Variants in AFF3 observed in about 807,000 individuals in gnomAD.
AFF3 encodes ALF transcription elongation factor 3.
AFF3 carries 32 observed loss-of-function variants against 129.7 expected under a neutral mutation model. The observed-to-expected ratio is 0.25, with a 90% CI of 0.19 to 0.33. AFF3 has a LOEUF of 0.33. Ranked by LOEUF, AFF3 falls within the 10% of genes least tolerant of loss-of-function variation. The pLI is 1.00. For missense variants in AFF3, 1,373 were observed against 1,592.0 expected (o/e 0.86, Z 2.34); for synonymous variants, 644 against 635.4 (o/e 1.01, Z -0.20).
At chr2:99,831,586 C>A (rs184996581) in intron 8 of AFF3, among the ~76,000 whole-genome samples, 142 of 131,374 alleles carry the variant, frequency 1.1e-3, no homozygotes, top group African/African-American at 3.6e-3. Context: ...CAACTCTGTA[C>A]AATTAAAAAA....
At chr2:99,567,059 C>T (rs1676040982) in intron 19 of AFF3, among the ~76,000 whole-genome samples, 1 of 151,528 alleles carries the variant, frequency 6.6e-6, no homozygotes, top group African/African-American at 2.4e-5. Flanking sequence ...TCTCTGCCTC[C>T]CGGGTTCAAG....
At chr2:99,775,207 C>A (rs1216177835) in intron 8 of AFF3, among the ~76,000 whole-genome samples, 4 of 152,170 alleles carry the variant, frequency 2.6e-5, no homozygotes, top group African/African-American at 9.7e-5. Context: ...AGCAGAAACA[C>A]CATTTGACCC....
In AFF3 at chr2:99,814,696, AAAG is replaced by A. The variant is rs756748143; in HGVS notation, c.921+22778_921+22780del. On this transcript the variant is annotated intron_variant, in intron 8 of 24. Coordinates refer to ENST00000672756, the MANE Select transcript of AFF3 (RefSeq NM_001386135.1). Reference sequence around the variant, plus strand: ...GAGCCAGGGCCCCAGCTAAAAAATAAAAGAAGGAGAAATACAAGGCAGTGGAAG... The same window carrying A: ...GAGCCAGGGCCCCAGCTAAAAAATAAAAGGAGAAATACAAGGCAGTGGAAG... Among the ~76,000 whole-genome samples, 159 of 152,284 alleles carry A rather than the reference AAAG, an allele frequency of 1.0e-3. 1 individual carries two copies. Among genetic ancestry groups the A allele is most frequent in the Middle Eastern group, 3.4e-3 (1 of 294 alleles).
chr2:99,593,105 A>T (rs1464076833), intron 15 of AFF3, 90 bp downstream of exon 15: 3 of 1,447,226 alleles, frequency 2.1e-6, no homozygotes, highest in South Asian at 1.4e-5. Flanking sequence ...CCCAAACAGC[A>T]GCCTATGGGT....
At chr2:100,023,031 T>G (rs1036292368) in intron 4 of AFF3, among the ~76,000 whole-genome samples, 4 of 152,240 alleles carry the variant, frequency 2.6e-5, no homozygotes, top group Admixed American at 2.6e-4. Flanking sequence ...GGCCTCCATC[T>G]GGGTTTCCCA....
intron 4 of AFF3, among the ~76,000 whole-genome samples, chr2:100,098,867 C>T (rs1177473348): frequency 8.9e-6 from 1 of 112,986 alleles, no homozygotes; most frequent in South Asian, 2.8e-4. Flanking sequence ...TCCTCCACAG[C>T]GGATGCAACA....
chr2:99,883,283 G>T (rs1692860865), intron 7 of AFF3, among the ~76,000 whole-genome samples: 1 of 152,042 alleles, frequency 6.6e-6, no homozygotes, highest in Admixed American at 6.6e-5. Context: ...AAGTATAAAA[G>T]AAATAAGCTA....
chr2:99,573,096 G>A (rs920901163), intron 18 of AFF3, among the ~76,000 whole-genome samples: 3 of 152,118 alleles, frequency 2.0e-5, no homozygotes, highest in African/African-American at 7.2e-5. Flanking sequence ...TGTTGAAATG[G>A]GAAATTATCA....
intron 11 of AFF3, among the ~76,000 whole-genome samples, chr2:99,715,345 G>A (rs1307504172): frequency 1.3e-5 from 2 of 152,190 alleles, no homozygotes; most frequent in African/African-American, 4.8e-5. Flanking sequence ...AGTATCAACT[G>A]CAGACACGAG....
intron 8 of AFF3, among the ~76,000 whole-genome samples, chr2:99,754,697 C>T (rs1332339423): frequency 6.6e-6 from 1 of 152,166 alleles, no homozygotes; most frequent in Non-Finnish European, 1.5e-5. Context: ...TTTAATACAC[C>T]GTTTATCCAA....
chr2:99,563,810 C>CAAAAAAAAAA (rs34843347), intron 20 of AFF3, among the ~76,000 whole-genome samples: 2 of 76,068 alleles, frequency 2.6e-5, no homozygotes, highest in African/African-American at 5.3e-5. Context: ...AATTTAGTCT[C>CAAAAAAAAAA]AAAAAAAAAA....
At chr2:99,868,701 T>C (rs1322070070) in intron 7 of AFF3, among the ~76,000 whole-genome samples, 1 of 152,210 alleles carries the variant, frequency 6.6e-6, no homozygotes, top group Non-Finnish European at 1.5e-5. Context: ...AGGATAAGGT[T>C]ACTATTCTCT....
intron 7 of AFF3, among the ~76,000 whole-genome samples, chr2:99,848,529 C>G (rs1301924953): frequency 6.6e-6 from 1 of 152,016 alleles, no homozygotes; most frequent in Non-Finnish European, 1.5e-5. Context: ...AATTTCTGCA[C>G]CAAGAATTTA....
At chr2:99,930,327 T>C (rs1259755152) in intron 7 of AFF3, among the ~76,000 whole-genome samples, 1 of 152,138 alleles carries the variant, frequency 6.6e-6, no homozygotes, top group Non-Finnish European at 1.5e-5. Context: ...GCCTGCCTCA[T>C]GGGATCCTGC....
intron 4 of AFF3, among the ~76,000 whole-genome samples, chr2:100,041,707 T>G (rs1420355673): frequency 6.6e-6 from 1 of 152,202 alleles, no homozygotes. Flanking sequence ...TAGATAAAAC[T>G]GCATGTATCT....
intron 7 of AFF3, among the ~76,000 whole-genome samples, chr2:99,897,405 AAT>A (rs1190410415): frequency 6.6e-6 from 1 of 152,192 alleles, no homozygotes; most frequent in African/African-American, 2.4e-5. Flanking sequence ...GTAGGAGTGA[AAT>A]AGAGTCACAC....
intron 17 of AFF3, among the ~76,000 whole-genome samples, chr2:99,579,780 G>C (rs544260913): frequency 6.6e-6 from 1 of 152,242 alleles, no homozygotes; most frequent in Admixed American, 6.5e-5. Flanking sequence ...CTAGTCTGTG[G>C]AAAAGTTTTA....
Position 100,104,779 on chromosome 2 carries a change from C to T in AFF3, c.-64-261G>A, listed in dbSNP as rs1191631795. The T allele has an allele frequency of 1.1e-5, 10 of 909,024 alleles. No homozygotes were observed. In the South Asian group the frequency reaches 3.5e-4, roughly 32 times the overall value. The allele number at this position is 909,024 out of a possible 1,614,324, so 56.3% of individuals were successfully genotyped here. A position where few individuals can be genotyped will look rare whatever the true frequency, so the allele number is the denominator to read the frequency against. On this transcript the variant is annotated intron_variant, in intron 3 of 24. Coordinates refer to ENST00000672756, the MANE Select transcript of AFF3 (RefSeq NM_001386135.1). ...CCGCCCCTCCTCCCCTCCCTCGCGGCGGCCCGGCCCGCTGCTGCAGCCGCC... is the reference window on the plus strand; with the variant it reads ...CCGCCCCTCCTCCCCTCCCTCGCGGTGGCCCGGCCCGCTGCTGCAGCCGCC...
intron 8 of AFF3, among the ~76,000 whole-genome samples, chr2:99,829,415 A>G (rs1688347695): frequency 6.6e-6 from 1 of 152,236 alleles, no homozygotes. Context: ...TCCAGAATCT[A>G]CAAGGAACTG....
Sources: allele counts gnomAD v4.1 joint callset (sites outside exome capture counted in the v4.1 genomes callset), GRCh38; gene constraint gnomAD v4.1.1; transcripts MANE v1.5; gene names NCBI Gene and HGNC (gene_info 2026-07-23, HGNC 2026-07-21).